RPH3A: variants seen among roughly 807,000 people sequenced by gnomAD.
RPH3A encodes the protein rabphilin-3A.
A neutral mutation model predicts 102.2 loss-of-function variants in RPH3A; 48 were observed. That is an observed-to-expected ratio of 0.47 (90% CI 0.37 to 0.60). RPH3A has a LOEUF of 0.60. RPH3A is among the 20% of genes least tolerant of loss of function. The pLI is 0.00. For synonymous variants in RPH3A, 310 were observed against 324.3 expected (o/e 0.96, Z 0.47); for missense variants, 781 against 910.1 (o/e 0.86, Z 1.83).
chr12:112,583,276 C>T (rs2039413413), intron 1 of RPH3A, among the ~76,000 whole-genome samples: 1 of 152,222 alleles, frequency 6.6e-6, no homozygotes, highest in Non-Finnish European at 1.5e-5. Flanking sequence ...TGTCCACTGT[C>T]TCATTCCATC....
intron 1 of RPH3A, among the ~76,000 whole-genome samples, chr12:112,679,518 C>A (rs893323014): frequency 6.6e-6 from 1 of 152,180 alleles, no homozygotes; most frequent in East Asian, 1.9e-4. Flanking sequence ...CTCCACCTCC[C>A]GGATTTAAGC....
chr12:112,629,447 T>C (rs527724173), intron 1 of RPH3A, among the ~76,000 whole-genome samples: 1 of 148,466 alleles, frequency 6.7e-6, no homozygotes, highest in South Asian at 2.1e-4. Flanking sequence ...TATGACACAA[T>C]AGGGGAATGC....
chr12:112,859,998 A>G (rs1375715176), intron 5 of RPH3A, among the ~76,000 whole-genome samples: 2 of 152,224 alleles, frequency 1.3e-5, no homozygotes, highest in Non-Finnish European at 2.9e-5. Context: ...ATTGACATGC[A>G]GTGAGGGTAG....
At chr12:112,813,780 G>A (rs2041623279) in intron 2 of RPH3A, among the ~76,000 whole-genome samples, 3 of 152,208 alleles carry the variant, frequency 2.0e-5, no homozygotes, top group South Asian at 4.1e-4. Flanking sequence ...AGGGAACGGA[G>A]GCTCTGAAAA....
intron 16 of RPH3A, among the ~76,000 whole-genome samples, chr12:112,884,417 C>A (rs2042973307): frequency 6.6e-6 from 1 of 152,178 alleles, no homozygotes; most frequent in African/African-American, 2.4e-5. Context: ...TCAAGTATGT[C>A]TTATACTTCA....
chr12:112,712,925 C>CTCTTCTTCTCCTTCT (rs2040477527), intron 1 of RPH3A, among the ~76,000 whole-genome samples: 1 of 94,528 alleles, frequency 1.1e-5, no homozygotes, highest in Non-Finnish European at 2.0e-5. Flanking sequence ...CTTCTTCTTC[C>CTCTTCTTCTCCTTCT]TCTTCTTCTT....
rs145670678 is a variant in RPH3A, at chr12:112,847,993, C to G, written c.230+151C>G. On this transcript the variant is annotated intron_variant, in intron 5 of 21. Coordinates refer to ENST00000389385, the MANE Select transcript of RPH3A (RefSeq NM_001143854.2). ...ACGGGGCCACCTCCCCGCCCCACCC[C>G]CTTCCCCACTGGCAGACGTGGGATC... The G allele has an allele frequency of 2.5e-4, 186 of 750,572 alleles. No individual in the cohort carries two copies. In the African/African-American group the frequency reaches 2.5e-3, roughly 10 times the overall value. 46.5% of individuals were successfully genotyped at this position (750,572 alleles called of 1,614,324 possible).
chr12:112,626,861 A>G (rs1468717853), intron 1 of RPH3A, among the ~76,000 whole-genome samples: 3 of 68,546 alleles, frequency 4.4e-5, no homozygotes, highest in African/African-American at 1.8e-4. Flanking sequence ...CATATACACC[A>G]TGGAATACTA....
intron 8 of RPH3A, 63 bp downstream of exon 8, chr12:112,868,658 AG>A (rs2042654065): frequency 6.5e-7 from 1 of 1,542,942 alleles, no homozygotes; most frequent in African/African-American, 1.4e-5. Flanking sequence ...GGTCTACCTG[AG>A]GGATGGCCTG....
At chr12:112,877,862 A>AT (rs1209447691) in intron 13 of RPH3A, among the ~76,000 whole-genome samples, 1 of 152,226 alleles carries the variant, frequency 6.6e-6, no homozygotes, top group Non-Finnish European at 1.5e-5. Context: ...TTGGGCACTC[A>AT]TTTTGTGCTG....
intron 5 of RPH3A, among the ~76,000 whole-genome samples, chr12:112,852,795 T>C (rs2042344372): frequency 6.6e-6 from 1 of 152,202 alleles, no homozygotes; most frequent in Non-Finnish European, 1.5e-5. Flanking sequence ...GACATTTGCC[T>C]CCAAAATTGG....
At position 112,869,795 on chromosome 12, in the gene RPH3A, C is replaced by T; in HGVS notation, c.647C>T (p.Thr216Ile). 6.2e-7 allele frequency: 1 copy of T among 1,614,156 alleles called. No homozygotes were observed. Among genetic ancestry groups the T allele is most frequent in the Non-Finnish European group, 8.5e-7 (1 of 1,180,018 alleles). The change falls in exon 9 of 22, where the codon ACA (threonine) becomes ATA (isoleucine). Residue 216 changes from threonine (T) to isoleucine (I), a missense_variant and splice_region_variant. Physicochemically the swap from Thr to Ile is moderately conservative, Grantham distance 89. This residue lies in a region of RPH3A where 730 missense variants were observed against 810.0 expected (regional missense o/e 0.90). Coordinates refer to ENST00000389385, the MANE Select transcript of RPH3A (RefSeq NM_001143854.2). Reference sequence around the variant, plus strand: ...GATAGGAGGGGCCCGGGTCAGAAGACAGGTGGGTTCTGCTGACTCTGTTTT... The same window carrying T: ...GATAGGAGGGGCCCGGGTCAGAAGATAGGTGGGTTCTGCTGACTCTGTTTT... ...SEDRRGPGQK[T>I]GPDPASAPGR...
At chr12:112,731,415 A>G (rs1377971372) in intron 1 of RPH3A, among the ~76,000 whole-genome samples, 1 of 152,226 alleles carries the variant, frequency 6.6e-6, no homozygotes, top group Admixed American at 6.5e-5. Context: ...CACAAAATAT[A>G]TGACCTATTA....
At chr12:112,656,823 C>A (rs910608687) in intron 1 of RPH3A, among the ~76,000 whole-genome samples, 6 of 151,496 alleles carry the variant, frequency 4.0e-5, no homozygotes, top group South Asian at 2.1e-4. Flanking sequence ...ATATATATAT[C>A]TCCACATTTT....
chr12:112,663,157 T>A (rs138304137), intron 1 of RPH3A, among the ~76,000 whole-genome samples: 24 of 151,342 alleles, frequency 1.6e-4, no homozygotes, highest in African/African-American at 5.8e-4. Context: ...AAACCAAGCC[T>A]GATCTGAGTG....
Position 112,808,472 on chromosome 12 carries a change from T to C in RPH3A, c.-19+16209T>C, listed in dbSNP as rs574059311. Among the ~76,000 whole-genome samples, 8 of 152,124 alleles carry C rather than the reference T, an allele frequency of 5.3e-5. No homozygotes were observed. In the South Asian group the frequency reaches 1.0e-3, roughly 20 times the overall value. Reference sequence around the variant, plus strand: ...TGCTCAGGGGCAGTCTCTTAAGTGGTGGATTATTTTTTAAAAGGAAAGAAA... The same window carrying C: ...TGCTCAGGGGCAGTCTCTTAAGTGGCGGATTATTTTTTAAAAGGAAAGAAA... On this transcript the variant is annotated intron_variant, in intron 2 of 21. Transcript: ENST00000389385.
At chr12:112,850,589 C>A (rs751615335) in intron 5 of RPH3A, among the ~76,000 whole-genome samples, 1 of 152,166 alleles carries the variant, frequency 6.6e-6, no homozygotes, top group African/African-American at 2.4e-5. Flanking sequence ...TGTTCCACAG[C>A]GCCCTTCCTG....
At chr12:112,810,650 A>G (rs1044049352) in intron 2 of RPH3A, among the ~76,000 whole-genome samples, 3 of 152,202 alleles carry the variant, frequency 2.0e-5, no homozygotes, top group African/African-American at 7.2e-5. Context: ...AGCTGGCCCA[A>G]AAACAACCCC....
Position 112,774,790 on chromosome 12 carries a change from G to C in RPH3A, c.-139-17353G>C, listed in dbSNP as rs540966290. Reference sequence around the variant, plus strand: ...TGGAGCAGGTCGGGGGGTGAGGTAGGGGGCGGAGAGCAGTAGGAAAAATAG... The same window carrying C: ...TGGAGCAGGTCGGGGGGTGAGGTAGCGGGCGGAGAGCAGTAGGAAAAATAG... On this transcript the variant is annotated intron_variant, in intron 1 of 21. Coordinates refer to the RPH3A transcript ENST00000543106. Among the ~76,000 whole-genome samples the C allele has an allele frequency of 5.3e-5, 8 of 151,822 alleles. No individual in the cohort carries two copies. In the East Asian group the frequency reaches 1.5e-3, roughly 29 times the overall value.
Sources: gnomAD v4.1 joint callset for allele counts (sites outside exome capture counted in the v4.1 genomes callset) on GRCh38, gnomAD v4.1.1 for gene constraint, gnomAD v4.1.1 regional missense constraint, MANE v1.5 for transcripts, NCBI Gene and HGNC (gene_info 2026-07-23, HGNC 2026-07-21) for gene names.